Variants in NSUN3 observed in about 807,000 individuals in gnomAD.
NSUN3 encodes tRNA (cytosine(34)-C(5))-methyltransferase, mitochondrial.
Under a neutral mutation model 36.8 loss-of-function variants are expected in NSUN3, and 24 were observed. That is an observed-to-expected ratio of 0.65 (90% CI 0.47 to 0.92). The LOEUF is 0.92. Among genes scored for constraint, NSUN3 ranks in the 40% least tolerant of loss-of-function variants. NSUN3 has a pLI of 0.00. For synonymous variants in NSUN3, 146 were observed against 145.2 expected, an observed-to-expected ratio of 1.01 and a Z score of -0.04; for missense variants, 381 against 392.8, an observed-to-expected ratio of 0.97 and a Z score of 0.25.
At chr3:94,104,519 G>A (rs1327766219) in intron 5 of NSUN3, among the ~76,000 whole-genome samples, 4 of 152,084 alleles carry the variant, frequency 2.6e-5, no homozygotes, top group Admixed American at 6.6e-5. Flanking sequence ...CCAGTCCCAC[G>A]TCTAAATCTT....
intron 5 of NSUN3, among the ~76,000 whole-genome samples, chr3:94,095,584 C>A (rs961738448): frequency 7.2e-5 from 11 of 152,136 alleles, no homozygotes; most frequent in Non-Finnish European, 1.5e-4. Flanking sequence ...GCGCTTATCT[C>A]CCCTCTGAGA....
At chr3:94,091,474 G>A (rs1391247561) in intron 3 of NSUN3, among the ~76,000 whole-genome samples, 3 of 152,118 alleles carry the variant, frequency 2.0e-5, no homozygotes, top group Non-Finnish European at 4.4e-5. Flanking sequence ...TATTATGTGG[G>A]GAGTGCCTAA....
rs767798107 is a variant in NSUN3, at chr3:94,084,320, AT to A, written c.337del (p.Tyr113IlefsTer4). The A allele has an allele frequency of 1.4e-5, 22 of 1,614,018 alleles. No individual in the cohort carries two copies. The highest frequency in any genetic ancestry group is 1.5e-5 in the Non-Finnish European group (18 of 1,180,016). ...ERHQIGNLKK[Y>X]YLLNAASLLP... ...GACACCAAATTGGAAACCTGAAAAA[AT>A]ATTATCTCCTAAATGCTGCTTCTCT... On this transcript the variant is annotated frameshift_variant, in exon 3 of 6. Transcript: ENST00000314622. LOFTEE classifies it high-confidence loss of function.
At chr3:94,076,495 T>C (rs2077246884) in intron 2 of NSUN3, 6 of 786,362 alleles carry the variant, frequency 7.6e-6, no homozygotes, top group Non-Finnish European at 1.4e-5. Context: ...CTTCTACTAC[T>C]ACTGTATGCC....
chr3:94,077,776 C>T (rs889651848), intron 2 of NSUN3, among the ~76,000 whole-genome samples: 1 of 152,120 alleles, frequency 6.6e-6, no homozygotes, highest in Non-Finnish European at 1.5e-5. Context: ...TGTGGGATCA[C>T]TGGTGATATC....
intron 5 of NSUN3, among the ~76,000 whole-genome samples, chr3:94,116,270 C>T (rs936922392): frequency 5.3e-5 from 8 of 152,146 alleles, no homozygotes; most frequent in African/African-American, 1.9e-4. Context: ...CTATTTCCCT[C>T]TAAGCAGACC....
chr3:94,075,531 G>C (rs2077242273), intron 2 of NSUN3, among the ~76,000 whole-genome samples: 1 of 152,106 alleles, frequency 6.6e-6, no homozygotes, highest in Non-Finnish European at 1.5e-5. Flanking sequence ...TCATGGCTCA[G>C]ACACCTACCT....
chr3:94,096,782 G>A (rs2077342826), intron 5 of NSUN3, among the ~76,000 whole-genome samples: 1 of 152,184 alleles, frequency 6.6e-6, no homozygotes, highest in Non-Finnish European at 1.5e-5. Flanking sequence ...TTACAGGCAT[G>A]AGGCAGCATC....
chr3:94,092,658 C>T (rs571860937), intron 3 of NSUN3, among the ~76,000 whole-genome samples: 6 of 151,944 alleles, frequency 3.9e-5, no homozygotes, highest in Non-Finnish European at 5.9e-5. Context: ...AATCCCAGCA[C>T]GATGGGAGAC....
chr3:94,102,409 A>G (rs370336933), intron 5 of NSUN3, among the ~76,000 whole-genome samples: 1 of 152,102 alleles, frequency 6.6e-6, no homozygotes, highest in Non-Finnish European at 1.5e-5. Context: ...TCAGCTATGT[A>G]TATGTTTTCT....
intron 5 of NSUN3, among the ~76,000 whole-genome samples, chr3:94,103,991 T>C (rs2077376447): frequency 6.6e-6 from 1 of 152,156 alleles, no homozygotes; most frequent in Non-Finnish European, 1.5e-5. Flanking sequence ...CCTTGGTAAA[T>C]AGACTAATGA....
At chr3:94,090,137 A>G (rs1334699663) in intron 3 of NSUN3, among the ~76,000 whole-genome samples, 1 of 152,168 alleles carries the variant, frequency 6.6e-6, no homozygotes, top group Non-Finnish European at 1.5e-5. Context: ...TGGACCAAAG[A>G]TTGCCATGTA....
intron 5 of NSUN3, among the ~76,000 whole-genome samples, chr3:94,112,037 G>C (rs937233231): frequency 4.3e-4 from 65 of 152,166 alleles, no homozygotes; most frequent in Middle Eastern, 3.2e-3. Context: ...ACCCAGGGAA[G>C]AGTCAACATC....
chr3:94,091,607 CT>C (rs2107252879), intron 3 of NSUN3, among the ~76,000 whole-genome samples: 1 of 152,284 alleles, frequency 6.6e-6, no homozygotes, highest in South Asian at 2.1e-4. Flanking sequence ...ATTCTTGTAT[CT>C]TTTAGGAAAG....
intron 2 of NSUN3, among the ~76,000 whole-genome samples, chr3:94,072,313 C>G (rs973171200): frequency 3.3e-5 from 5 of 152,156 alleles, no homozygotes; most frequent in African/African-American, 4.8e-5. Flanking sequence ...TCAGATACTT[C>G]TGCGTACTAG....
intron 2 of NSUN3, chr3:94,082,151 C>T (rs941317146): frequency 2.6e-5 from 4 of 152,098 alleles, no homozygotes; most frequent in Non-Finnish European, 5.9e-5. Context: ...ATAGATTTTT[C>T]AGCCTGTTTG....
chr3:94,092,616 G>A (rs114075651), intron 3 of NSUN3, among the ~76,000 whole-genome samples: 2,287 of 151,960 alleles, frequency 0.015, 61 homozygotes, highest in African/African-American at 0.053. Context: ...GAAATATGGA[G>A]CCCTGGGCCT....
chr3:94,115,372 T>C (rs1018378611), intron 5 of NSUN3, among the ~76,000 whole-genome samples: 2 of 152,196 alleles, frequency 1.3e-5, no homozygotes, highest in South Asian at 2.1e-4. Flanking sequence ...CCTTTACTTA[T>C]ATTTGCTTCC....
In NSUN3 at chr3:94,130,794, C is replaced by G. The variant is rs2077506183; in HGVS notation, c.*4304C>G. On this transcript the variant is annotated 3_prime_UTR_variant, in exon 6 of 6. Coordinates refer to ENST00000314622, the MANE Select transcript of NSUN3 (RefSeq NM_022072.5). Reference sequence around the variant, plus strand: ...CCTCCAAATCCATTTCTCCAGAAACCTCTTCCTAGCCACACAGTGGGAGCC... The same window carrying G: ...CCTCCAAATCCATTTCTCCAGAAACGTCTTCCTAGCCACACAGTGGGAGCC... 6.6e-6 allele frequency among the ~76,000 whole-genome samples: 1 copy of G among 152,194 alleles called. No individual in the cohort carries two copies. Among genetic ancestry groups the G allele is most frequent in the South Asian group, 2.1e-4 (1 of 4,830 alleles).
Sources: allele counts gnomAD v4.1 joint callset (sites outside exome capture counted in the v4.1 genomes callset), GRCh38; gene constraint gnomAD v4.1.1; transcripts MANE v1.5; gene names NCBI Gene and HGNC (gene_info 2026-07-23, HGNC 2026-07-21).